Variants in DCTN2 observed in about 807,000 individuals in gnomAD.
The protein encoded by DCTN2 is 50 kDa dynein-associated polypeptide.
In DCTN2, 18 loss-of-function variants were observed where a neutral mutation model predicts 55.4. The ratio of observed to expected loss-of-function variants is 0.32; its 90% confidence interval spans 0.22 to 0.48. The LOEUF (loss-of-function observed/expected upper bound fraction) is 0.48. DCTN2 is among the 20% of genes least tolerant of loss of function. The probability of loss-of-function intolerance (pLI) is 0.99; values close to 1 mark genes in which losing one functional copy is unlikely to be tolerated. For synonymous variants in DCTN2, 168 were observed against 185.2 expected (o/e 0.91, Z 0.76); for missense variants, 390 against 491.0 (o/e 0.79, Z 1.94).
At position 57,535,100 on chromosome 12, in the gene DCTN2, G is replaced by C; in HGVS notation, c.319C>G (p.Leu107Val). The stretch of plus-strand genomic sequence containing the variant: ...GTTGTCAGCTCTTGGACCTCATGCA[G>C]TAGGCGCTGGTACTTTTGCTGGGGT... ...ETPQQKYQRLLHEVQELTTEV... is the reference protein window; with the variant it reads ...ETPQQKYQRLVHEVQELTTEV... Residue 107 changes from leucine to valine, a missense_variant, in exon 5 of 14, where the codon CTG (leucine) becomes GTG (valine). Physicochemically the swap from Leu to Val is conservative, Grantham distance 32. This residue lies in a region of DCTN2 where 117 missense variants were observed against 187.8 expected (regional missense o/e 0.62). Transcript: ENST00000548249. 1 of 1,613,848 alleles carries C rather than the reference G, an allele frequency of 6.2e-7. No individual in the cohort carries two copies. Among genetic ancestry groups the C allele is most frequent in the Non-Finnish European group, 8.5e-7 (1 of 1,179,880 alleles).
chr12:57,531,359 C>A lies in DCTN2; in HGVS notation c.1120-584G>T, dbSNP rs189163950. 4.4e-3 allele frequency among the ~76,000 whole-genome samples: 665 copies of A among 151,098 alleles called. 6 individuals are homozygous for A. Among genetic ancestry groups the A allele is most frequent in the Admixed American group, 9.2e-3 (139 of 15,180 alleles). ...ACAACATGGTGAAACCCCGTCTCTACTAAAAAAAAAAATTAGGTGTGGTGG... is the reference window on the plus strand; with the variant it reads ...ACAACATGGTGAAACCCCGTCTCTAATAAAAAAAAAAATTAGGTGTGGTGG... On this transcript the variant is annotated intron_variant, in intron 13 of 13. Transcript: ENST00000548249.
At chr12:57,545,345 G>A (rs928224974) in intron 2 of DCTN2, among the ~76,000 whole-genome samples, 2 of 151,340 alleles carry the variant, frequency 1.3e-5, no homozygotes, top group Non-Finnish European at 2.9e-5. Context: ...TTCCCCATTA[G>A]TCTGGGGCTC....
chr12:57,535,741 A>C lies in DCTN2; in HGVS notation c.202+8T>G. 1 of 1,611,632 alleles carries C rather than the reference A, an allele frequency of 6.2e-7. No individual in the cohort carries two copies. Among genetic ancestry groups the C allele is most frequent in the Non-Finnish European group, 8.5e-7 (1 of 1,177,808 alleles). Reference sequence around the variant, plus strand: ...CTTCCCCCCACCCAGCTTCCAGCCCAGTCTCACCAAGTCCCTTTGTCCCCA... The same window carrying C: ...CTTCCCCCCACCCAGCTTCCAGCCCCGTCTCACCAAGTCCCTTTGTCCCCA... On this transcript the variant is annotated splice_region_variant and intron_variant, in intron 3 of 13. Coordinates refer to ENST00000548249, the MANE Select transcript of DCTN2 (RefSeq NM_001261413.2).
At chr12:57,539,802 G>A (rs1880545261) in intron 2 of DCTN2, among the ~76,000 whole-genome samples, 1 of 152,134 alleles carries the variant, frequency 6.6e-6, no homozygotes, top group Non-Finnish European at 1.5e-5. Context: ...CGAGGTGGGT[G>A]GATCACTTGA....
At chr12:57,537,197 T>C (rs1880307120) in intron 2 of DCTN2, among the ~76,000 whole-genome samples, 1 of 150,934 alleles carries the variant, frequency 6.6e-6, no homozygotes, top group African/African-American at 2.4e-5. Context: ...AGCTGGGTAT[T>C]GTGGCACGTG....
At position 57,530,482 on chromosome 12, in the gene DCTN2, A is replaced by G; in HGVS notation, c.*207T>C. 2.0e-6 allele frequency: 1 copy of G among 506,946 alleles called. No homozygotes were observed. Among genetic ancestry groups the G allele is most frequent in the Non-Finnish European group, 3.5e-6 (1 of 282,416 alleles). The allele number at this position is 506,946 out of a possible 1,614,324, so 31.4% of individuals were successfully genotyped here. A position where few individuals can be genotyped will look rare whatever the true frequency, so the allele number is the denominator to read the frequency against. On this transcript the variant is annotated 3_prime_UTR_variant, in exon 14 of 14. Coordinates refer to ENST00000548249, the MANE Select transcript of DCTN2 (RefSeq NM_001261413.2). The stretch of plus-strand genomic sequence containing the variant: ...CCTTATCCCCCAGGCCTGAGGGGAG[A>G]CCACCTTCTGATGATAACCAACCCC...
At chr12:57,531,175 GTC>G (rs1879665184) in intron 13 of DCTN2, among the ~76,000 whole-genome samples, 2 of 152,136 alleles carry the variant, frequency 1.3e-5, no homozygotes. Context: ...ATTGATGCTG[GTC>G]TCTCGACTTT....
intron 4 of DCTN2, 38 bp from the exon 5 acceptor site, chr12:57,535,192 A>G (rs1313304049): frequency 6.6e-7 from 1 of 1,526,606 alleles, no homozygotes; most frequent in Non-Finnish European, 9.0e-7. Flanking sequence ...TATATGTCTC[A>G]TTACAGGGAG....
chr12:57,533,076 G>T (rs987269523), intron 8 of DCTN2, 54 bp from the exon 9 acceptor site: 46 of 1,564,110 alleles, frequency 2.9e-5, no homozygotes, highest in Non-Finnish European at 3.6e-5. Context: ...CATGATTATC[G>T]TCTTCTCCCA....
intron 5 of DCTN2, 111 bp downstream of exon 5, chr12:57,534,945 T>C (rs1166843740): frequency 2.2e-6 from 2 of 892,958 alleles, no homozygotes; most frequent in Non-Finnish European, 1.7e-6. Flanking sequence ...GGTAGGATTA[T>C]AGGCGTGAGC....
chr12:57,547,000 G>C (rs772572705), intron 1 of DCTN2, 28 bp downstream of exon 1: 56 of 1,288,330 alleles, frequency 4.3e-5, no homozygotes, highest in Middle Eastern at 4.5e-4. Context: ...GCGCGGTCCT[G>C]GGGAGCCGGG....
At chr12:57,532,382 A>C in intron 11 of DCTN2, 67 bp from the exon 12 acceptor site, 1 of 1,412,340 alleles carries the variant, frequency 7.1e-7, no homozygotes, top group South Asian at 1.2e-5. Context: ...ACAGACTGCT[A>C]TTTCACCGTA....
At chr12:57,542,781 T>C (rs1880801895) in intron 2 of DCTN2, 2 of 455,772 alleles carry the variant, frequency 4.4e-6, no homozygotes, top group South Asian at 3.1e-5. Flanking sequence ...ATTGTGCCAC[T>C]GCACTCCAGC....
rs1480943337 is a variant in DCTN2 at position 57,532,052 on chromosome 12, G to C, written c.1082C>G (p.Ala361Gly). The change falls in exon 13 of 14, where the codon GCT becomes GGT. Residue 361 changes from alanine to glycine, a missense_variant. By Grantham distance (60) the Ala-to-Gly change is moderately conservative. Around this residue, in one of 2 missense-constraint regions of DCTN2, gnomAD observed 273 missense variants for 303.2 expected, o/e 0.90. Coordinates refer to ENST00000548249, the MANE Select transcript of DCTN2 (RefSeq NM_001261413.2). ...GGTGGTATTGTCCTTCAAGGAATTA[G>C]CAATCATCTGCTGGGTGGTATCCAA... ...THLDTTQQMI[A>G]NSLKDNTTLL... 3 of 1,566,170 alleles carry C rather than the reference G, an allele frequency of 1.9e-6. No individual in the cohort carries two copies.
chr12:57,530,633 G>GTT lies in DCTN2; in HGVS notation c.*54_*55dup. The GTT allele has an allele frequency of 6.9e-7, 1 of 1,453,804 alleles. No homozygotes were observed. Among genetic ancestry groups the GTT allele is most frequent in the Non-Finnish European group, 9.6e-7 (1 of 1,040,480 alleles). The allele number at this position is 1,453,804 out of a possible 1,614,324, so 90.1% of individuals were successfully genotyped here. A position where few individuals can be genotyped will look rare whatever the true frequency, so the allele number is the denominator to read the frequency against. Reference sequence around the variant, plus strand: ...GTAAAGGGGAAACCCTATGTAAGCTGTTAACAGAGTTCACAGGGGTAGGGA... The same window carrying GTT: ...GTAAAGGGGAAACCCTATGTAAGCTGTTTTAACAGAGTTCACAGGGGTAGGGA... On this transcript the variant is annotated 3_prime_UTR_variant, in exon 14 of 14. Transcript: ENST00000548249.
At chr12:57,534,175 TCAG>T in intron 6 of DCTN2, 78 bp from the exon 7 acceptor site, 1 of 1,529,568 alleles carries the variant, frequency 6.5e-7, no homozygotes, top group Non-Finnish European at 8.8e-7. Context: ...TGCCTCATAA[TCAG>T]CATTAAGAAA....
intron 6 of DCTN2, 53 bp from the exon 7 acceptor site, chr12:57,534,150 ACT>A (rs1880015236): frequency 2.4e-5 from 37 of 1,531,902 alleles, no homozygotes; most frequent in Non-Finnish European, 2.9e-5. Context: ...AGGGCCAGTC[ACT>A]CTCCCTCACT....
rs758720308 is a variant in DCTN2 at position 57,547,060 on chromosome 12, C to T, written c.4G>A (p.Ala2Thr). The T allele has an allele frequency of 2.3e-6, 3 of 1,276,828 alleles. No homozygotes were observed. The highest frequency in any genetic ancestry group is 6.0e-5 in the East Asian group (2 of 33,456). 79.1% of individuals were successfully genotyped at this position (1,276,828 alleles called of 1,614,324 possible). The part of the protein sequence containing the change: M[A>T]DPKYADLPGI... ...GGAAGGTCGGCGTATTTAGGGTCCG[C>T]CATGGCGGCGGCGAGACGGGCTGGG... Residue 2 changes from alanine to threonine, a missense_variant, in exon 1 of 14, where the codon GCG becomes ACG. Coordinates refer to ENST00000548249, the MANE Select transcript of DCTN2 (RefSeq NM_001261413.2).
intron 2 of DCTN2, chr12:57,541,359 C>G (rs368931409): frequency 6.3e-7 from 1 of 1,598,960 alleles, no homozygotes; most frequent in Non-Finnish European, 8.5e-7. Flanking sequence ...ATTGAATGGT[C>G]TTACTTGTGC....
Sources: gnomAD v4.1 joint callset for allele counts (sites outside exome capture counted in the v4.1 genomes callset) on GRCh38, gnomAD v4.1.1 for gene constraint, gnomAD v4.1.1 regional missense constraint, MANE v1.5 for transcripts, NCBI Gene and HGNC (gene_info 2026-07-23, HGNC 2026-07-21) for gene names.